Variants in ASPRV1 observed in about 807,000 individuals in gnomAD.
ASPRV1 encodes retroviral-like aspartic protease 1.
In ASPRV1, 7 loss-of-function variants were observed where a neutral mutation model predicts 11.0. That is an observed-to-expected ratio of 0.64 (90% CI 0.36 to 1.20). ASPRV1 has a LOEUF of 1.20. Ranked by LOEUF, ASPRV1 falls within the 50% of genes most tolerant of loss-of-function variation. ASPRV1 has a pLI of 0.02. For missense variants in ASPRV1, 299 were observed against 320.0 expected (o/e 0.93, Z 0.50); for synonymous variants, 136 against 138.4 (o/e 0.98, Z 0.12).
chr2:70,004,164 C>G, the ASPRV1 span, among the ~76,000 whole-genome samples: 1 of 152,138 alleles, frequency 6.6e-6, no homozygotes, highest in Non-Finnish European at 1.5e-5. Flanking sequence ...GGTTTCTTTT[C>G]TGTAGCCTGA....
the ASPRV1 span, chr2:70,015,709 C>A: frequency 6.6e-6 from 1 of 152,158 alleles, no homozygotes; most frequent in South Asian, 2.1e-4. Flanking sequence ...ACACCTGTAA[C>A]CCCAGCACTT....
chr2:70,065,387 T>C, the ASPRV1 span, among the ~76,000 whole-genome samples: 1 of 84,366 alleles, frequency 1.2e-5, no homozygotes, highest in Non-Finnish European at 2.0e-5. Context: ...CAAGACACCA[T>C]CTCAAAAAAA....
chr2:69,964,454 C>G (rs755976182), upstream of ASPRV1: 5 of 389,292 alleles, frequency 1.3e-5, no homozygotes, highest in Non-Finnish European at 5.1e-6. Flanking sequence ...GGGTAAAGGT[C>G]AGTTCTCAAG....
At chr2:69,947,255 G>GGT in the ASPRV1 span, among the ~76,000 whole-genome samples, 1 of 152,326 alleles carries the variant, frequency 6.6e-6, no homozygotes, top group African/African-American at 2.4e-5. Context: ...GAAGAGTAAA[G>GGT]AGATAATCAG....
chr2:70,005,118 G>A, the ASPRV1 span, among the ~76,000 whole-genome samples: 1 of 152,146 alleles, frequency 6.6e-6, no homozygotes. Flanking sequence ...CTGGAGTGCA[G>A]TGGCAATCGC....
At chr2:70,001,983 T>C in the ASPRV1 span, among the ~76,000 whole-genome samples, 60 of 152,320 alleles carry the variant, frequency 3.9e-4, no homozygotes, top group African/African-American at 1.1e-3. Context: ...AGACGTACAG[T>C]ATGAACCCAT....
At chr2:69,996,126 A>G in the ASPRV1 span, among the ~76,000 whole-genome samples, 3 of 147,268 alleles carry the variant, frequency 2.0e-5, no homozygotes. Context: ...CACCCCTGTA[A>G]TCCCAGCACT....
chr2:70,005,153 G>C, the ASPRV1 span, among the ~76,000 whole-genome samples: 1 of 152,138 alleles, frequency 6.6e-6, no homozygotes, highest in African/African-American at 2.4e-5. Context: ...TGGACCTCCA[G>C]GGCTCAAGCA....
chr2:69,990,699 C>T, the ASPRV1 span, among the ~76,000 whole-genome samples: 56 of 152,262 alleles, frequency 3.7e-4, no homozygotes, highest in African/African-American at 1.3e-3. Flanking sequence ...AAGCCATCTC[C>T]CTGCCTTGGC....
the ASPRV1 span, among the ~76,000 whole-genome samples, chr2:69,948,682 A>G: frequency 6.2e-4 from 94 of 152,254 alleles, no homozygotes; most frequent in African/African-American, 2.2e-3. Flanking sequence ...CTTTGGTCTC[A>G]GGAAGAGGCC....
the ASPRV1 span, among the ~76,000 whole-genome samples, chr2:70,042,740 A>G: frequency 6.6e-6 from 1 of 152,176 alleles, no homozygotes; most frequent in African/African-American, 2.4e-5. Flanking sequence ...TAGGATGTTC[A>G]GAAATCTCAA....
the ASPRV1 span, among the ~76,000 whole-genome samples, chr2:69,948,575 G>A: frequency 1.3e-5 from 2 of 152,188 alleles, no homozygotes; most frequent in East Asian, 1.9e-4. Context: ...TGGAGGCTCC[G>A]GGCTGGCTGG....
the ASPRV1 span, among the ~76,000 whole-genome samples, chr2:70,001,720 A>G: frequency 1.3e-5 from 2 of 152,240 alleles, no homozygotes; most frequent in Non-Finnish European, 2.9e-5. Flanking sequence ...AGATCTCCCC[A>G]TTGCACCCCA....
At chr2:70,047,021 T>C in the ASPRV1 span, among the ~76,000 whole-genome samples, 9 of 152,186 alleles carry the variant, frequency 5.9e-5, no homozygotes, top group Non-Finnish European at 1.2e-4. Context: ...AAACAAATTC[T>C]TAATCTGGCC....
chr2:70,000,222 C>T, the ASPRV1 span, among the ~76,000 whole-genome samples: 1 of 151,820 alleles, frequency 6.6e-6, no homozygotes, highest in Non-Finnish European at 1.5e-5. Flanking sequence ...GTGGCTCACA[C>T]CTGTAATCCC....
chr2:70,081,770 A>G, the ASPRV1 span, among the ~76,000 whole-genome samples: 2 of 151,842 alleles, frequency 1.3e-5, no homozygotes, highest in African/African-American at 4.8e-5. Context: ...TTTTTTGTAG[A>G]GACAGGGTCT....
the ASPRV1 span, among the ~76,000 whole-genome samples, chr2:69,995,651 C>T: frequency 6.6e-6 from 1 of 152,036 alleles, no homozygotes; most frequent in South Asian, 2.1e-4. Flanking sequence ...TCTGGGAAGC[C>T]TTCTTGGAGG....
chr2:70,069,451 T>G, the ASPRV1 span: 1 of 152,232 alleles, frequency 6.6e-6, no homozygotes, highest in Non-Finnish European at 1.5e-5. Context: ...TTATATGTTT[T>G]TGATATTTAC....
chr2:70,068,113 G>A, the ASPRV1 span, among the ~76,000 whole-genome samples: 1 of 152,188 alleles, frequency 6.6e-6, no homozygotes, highest in African/African-American at 2.4e-5. Flanking sequence ...CTCTGAGCCT[G>A]GGCTATAGCC....
Sources: allele counts gnomAD v4.1 joint callset (sites outside exome capture counted in the v4.1 genomes callset), GRCh38; gene constraint gnomAD v4.1.1; transcripts MANE v1.5; gene names NCBI Gene and HGNC (gene_info 2026-07-23, HGNC 2026-07-21).